SUGCT: variants seen among roughly 807,000 people sequenced by gnomAD.
The protein encoded by SUGCT is succinyl-CoA:glutarate-CoA transferase, also known as succinyl-CoA:glutarate CoA-transferase.
Under a neutral mutation model 55.0 loss-of-function variants are expected in SUGCT, and 41 were observed. The observed-to-expected ratio is 0.74, with a 90% CI of 0.58 to 0.97. The LOEUF is 0.97. SUGCT is among the 50% of genes least tolerant of loss of function. The pLI, the probability that SUGCT is intolerant of heterozygous loss-of-function variation, is 0.00. For missense variants in SUGCT, 568 were observed against 547.8 expected (o/e 1.04, Z -0.37); for synonymous variants, 187 against 200.4 (o/e 0.93, Z 0.56).
At chr7:40,866,161 A>G in the SUGCT span, among the ~76,000 whole-genome samples, 3 of 152,190 alleles carry the variant, frequency 2.0e-5, no homozygotes, top group Non-Finnish European at 4.4e-5. Context: ...GAAAGAAAAG[A>G]AATTAATGTC....
At chr7:40,481,278 C>A (rs539179827) in intron 11 of SUGCT, among the ~76,000 whole-genome samples, 65 of 152,100 alleles carry the variant, frequency 4.3e-4, no homozygotes, top group Non-Finnish European at 8.8e-4. Context: ...TTTCAGGCTG[C>A]AGTGAGCTAT....
intron 12 of SUGCT, among the ~76,000 whole-genome samples, chr7:40,513,559 G>A (rs2151557065): frequency 6.6e-6 from 1 of 152,174 alleles, no homozygotes; most frequent in East Asian, 1.9e-4. Context: ...GGGAAGCCAG[G>A]ACCTACCTAA....
At chr7:40,460,239 A>C (rs1488190699) in intron 11 of SUGCT, among the ~76,000 whole-genome samples, 1 of 152,214 alleles carries the variant, frequency 6.6e-6, no homozygotes, top group Non-Finnish European at 1.5e-5. Context: ...TTATAATTTT[A>C]AACACTGCCT....
intron 13 of SUGCT, among the ~76,000 whole-genome samples, chr7:40,793,859 T>G (rs371363595): frequency 6.6e-5 from 10 of 152,222 alleles, no homozygotes; most frequent in African/African-American, 2.2e-4. Context: ...GTTTGGCAGT[T>G]CACTTAATGT....
At chr7:40,599,838 C>T (rs1202321690) in intron 12 of SUGCT, among the ~76,000 whole-genome samples, 1 of 152,038 alleles carries the variant, frequency 6.6e-6, no homozygotes, top group Non-Finnish European at 1.5e-5. Context: ...GGGGTAGTGC[C>T]TGAGTGGGAG....
At chr7:40,815,228 G>A (rs1791607706) in intron 13 of SUGCT, among the ~76,000 whole-genome samples, 2 of 152,220 alleles carry the variant, frequency 1.3e-5, no homozygotes, top group Non-Finnish European at 2.9e-5. Context: ...CCTCCTCCAG[G>A]GGCCCCGATG....
chr7:40,963,590 A>G, the SUGCT span, among the ~76,000 whole-genome samples: 3 of 152,100 alleles, frequency 2.0e-5, no homozygotes, highest in Non-Finnish European at 4.4e-5. Flanking sequence ...TAAATGGAAT[A>G]CTCCTTTCCA....
the SUGCT span, among the ~76,000 whole-genome samples, chr7:41,010,898 A>G: frequency 1.3e-5 from 2 of 152,360 alleles, no homozygotes; most frequent in East Asian, 3.9e-4. Flanking sequence ...TAATCCAAAT[A>G]TGGTCTTGAT....
chr7:40,218,691 G>A (rs1055372608), intron 6 of SUGCT, among the ~76,000 whole-genome samples: 1 of 152,052 alleles, frequency 6.6e-6, no homozygotes, highest in Non-Finnish European at 1.5e-5. Context: ...ACACCAATCA[G>A]CGCTCTGTGT....
At chr7:40,246,140 T>C (rs1184376946) in intron 7 of SUGCT, among the ~76,000 whole-genome samples, 3 of 152,182 alleles carry the variant, frequency 2.0e-5, no homozygotes, top group Non-Finnish European at 2.9e-5. Context: ...CTCCAGAAAG[T>C]TTCTTTTTCT....
the SUGCT span, among the ~76,000 whole-genome samples, chr7:41,013,017 AATATATATATATAT>A: frequency 0.025 from 3,688 of 147,866 alleles, 174 homozygotes; most frequent in African/African-American, 0.087. Flanking sequence ...CTCTGATTTA[AATATATATATATAT>A]ATATATATAT....
At chr7:40,874,321 G>A in the SUGCT span, among the ~76,000 whole-genome samples, 8 of 152,312 alleles carry the variant, frequency 5.3e-5, no homozygotes, top group Admixed American at 2.6e-4. Context: ...CAAAAGAACC[G>A]TCATAATCTG....
At chr7:40,732,840 A>C (rs938488681) in intron 12 of SUGCT, among the ~76,000 whole-genome samples, 1 of 152,180 alleles carries the variant, frequency 6.6e-6, no homozygotes, top group African/African-American at 2.4e-5. Flanking sequence ...CTGTAATCCC[A>C]GCGCTTTGGG....
chr7:40,470,516 T>G (rs1790348562), intron 11 of SUGCT, among the ~76,000 whole-genome samples: 1 of 152,130 alleles, frequency 6.6e-6, no homozygotes, highest in Non-Finnish European at 1.5e-5. Context: ...CAATCTGCAG[T>G]AGTTTTGGCA....
At chr7:40,146,828 C>A (rs190494087) in intron 1 of SUGCT, among the ~76,000 whole-genome samples, 10 of 152,322 alleles carry the variant, frequency 6.6e-5, no homozygotes, top group Admixed American at 6.5e-4. Flanking sequence ...CAACAGACAA[C>A]AAGGTGGTAT....
intron 11 of SUGCT, among the ~76,000 whole-genome samples, chr7:40,463,729 C>T (rs1653842723): frequency 6.6e-6 from 1 of 152,172 alleles, no homozygotes; most frequent in South Asian, 2.1e-4. Flanking sequence ...ATTCCCCAAC[C>T]AGGGCTGTGA....
chr7:40,338,957 C>T (rs941409131), intron 9 of SUGCT, among the ~76,000 whole-genome samples: 1 of 152,084 alleles, frequency 6.6e-6, no homozygotes, highest in Non-Finnish European at 1.5e-5. Context: ...GTTAGTTTTC[C>T]TTCTAACAGT....
At chr7:40,252,425 AC>A (rs911852208) in intron 7 of SUGCT, among the ~76,000 whole-genome samples, 11 of 151,108 alleles carry the variant, frequency 7.3e-5, no homozygotes, top group Non-Finnish European at 1.5e-4. Context: ...GGCCCAAAAA[AC>A]TCTGTTTTTT....
the SUGCT span, among the ~76,000 whole-genome samples, chr7:40,890,421 C>T: frequency 1.5e-5 from 2 of 133,690 alleles, no homozygotes; most frequent in Admixed American, 7.6e-5. Flanking sequence ...TAGGTATGCC[C>T]CCATGTCCAG....
Sources: allele counts gnomAD v4.1 joint callset (sites outside exome capture counted in the v4.1 genomes callset), GRCh38; gene constraint gnomAD v4.1.1; transcripts MANE v1.5; gene names NCBI Gene and HGNC (gene_info 2026-07-23, HGNC 2026-07-21).